Variants in CDK14 observed in about 807,000 individuals in gnomAD.
CDK14 encodes cyclin dependent kinase 14.
CDK14 carries 34 observed loss-of-function variants against 60.7 expected under a neutral mutation model. The observed-to-expected ratio is 0.56, with a 90% CI of 0.43 to 0.75. CDK14 has a LOEUF of 0.75. Among genes scored for constraint, CDK14 ranks in the 30% least tolerant of loss-of-function variants. The pLI is 0.00. For synonymous variants in CDK14, 197 were observed against 203.7 expected (o/e 0.97, Z 0.28); for missense variants, 482 against 564.1 (o/e 0.85, Z 1.47).
intron 5 of CDK14, among the ~76,000 whole-genome samples, chr7:90,858,762 A>G (rs1790911474): frequency 6.6e-6 from 1 of 152,182 alleles, no homozygotes; most frequent in Non-Finnish European, 1.5e-5. Flanking sequence ...TGCAGAAGCA[A>G]GTATCACTTT....
At chr7:90,913,114 G>A (rs1055856809) in intron 7 of CDK14, among the ~76,000 whole-genome samples, 3 of 152,112 alleles carry the variant, frequency 2.0e-5, no homozygotes, top group African/African-American at 4.8e-5. Context: ...GGGTCTTCTG[G>A]TTTTTCATAG....
chr7:91,117,663 C>T (rs978024009), intron 13 of CDK14, among the ~76,000 whole-genome samples: 1 of 152,270 alleles, frequency 6.6e-6, no homozygotes, highest in Non-Finnish European at 1.5e-5. Context: ...CAAATGGACT[C>T]TATAACAACA....
chr7:90,920,097 A>G (rs1793203598), intron 8 of CDK14, among the ~76,000 whole-genome samples: 1 of 152,204 alleles, frequency 6.6e-6, no homozygotes, highest in Non-Finnish European at 1.5e-5. Context: ...TAAGACATGC[A>G]ATTAACTGTG....
chr7:90,740,634 C>A (rs1231641581), intron 3 of CDK14, among the ~76,000 whole-genome samples: 5 of 152,174 alleles, frequency 3.3e-5, no homozygotes, highest in Admixed American at 3.3e-4. Context: ...GCTTCCAAAA[C>A]TGTGAACAAA....
At chr7:90,733,829 G>A (rs1269053971) in intron 3 of CDK14, among the ~76,000 whole-genome samples, 2 of 152,170 alleles carry the variant, frequency 1.3e-5, no homozygotes, top group East Asian at 1.9e-4. Flanking sequence ...GTATTGTTAG[G>A]TGTGAATTCG....
chr7:90,746,150 T>A (rs1803582139), intron 3 of CDK14, among the ~76,000 whole-genome samples: 1 of 152,260 alleles, frequency 6.6e-6, no homozygotes, highest in Non-Finnish European at 1.5e-5. Context: ...GTCAGGCTTT[T>A]CTCTGAAGTT....
At chr7:91,063,517 A>G (rs1172624445) in intron 11 of CDK14, among the ~76,000 whole-genome samples, 1 of 152,252 alleles carries the variant, frequency 6.6e-6, no homozygotes, top group African/African-American at 2.4e-5. Flanking sequence ...TAAAAAGGAC[A>G]TAAGTATGTA....
At chr7:90,848,696 C>A (rs1790548609) in intron 5 of CDK14, among the ~76,000 whole-genome samples, 2 of 152,108 alleles carry the variant, frequency 1.3e-5, no homozygotes, top group Non-Finnish European at 2.9e-5. Flanking sequence ...TTAGTCTTAT[C>A]TGAAAAAGTG....
intron 10 of CDK14, among the ~76,000 whole-genome samples, chr7:90,987,826 CA>C (rs1378835248): frequency 6.6e-6 from 1 of 152,018 alleles, no homozygotes; most frequent in African/African-American, 2.4e-5. Flanking sequence ...TATAAACTGC[CA>C]GAGACTCTTT....
chr7:90,743,241 T>C (rs573157413), intron 3 of CDK14, among the ~76,000 whole-genome samples: 1 of 152,278 alleles, frequency 6.6e-6, no homozygotes, highest in East Asian at 1.9e-4. Context: ...CAAATTAATA[T>C]ATCTATCATC....
At chr7:90,612,739 T>C (rs1342464151) in intron 2 of CDK14, among the ~76,000 whole-genome samples, 1 of 133,524 alleles carries the variant, frequency 7.5e-6, no homozygotes, top group Non-Finnish European at 1.5e-5. Flanking sequence ...GCCACTGCAC[T>C]CCAGCCCGGG....
chr7:90,793,881 A>C (rs1312614378), intron 5 of CDK14, among the ~76,000 whole-genome samples: 1 of 152,200 alleles, frequency 6.6e-6, no homozygotes, highest in African/African-American at 2.4e-5. Context: ...CAAACTTAAC[A>C]GTATATGCTA....
At chr7:91,120,703 G>C (rs943481605) in intron 14 of CDK14, among the ~76,000 whole-genome samples, 6 of 151,968 alleles carry the variant, frequency 3.9e-5, no homozygotes, top group Non-Finnish European at 8.8e-5. Context: ...CGCCTGGCTA[G>C]TTTTTGTATT....
intron 8 of CDK14, among the ~76,000 whole-genome samples, chr7:90,936,410 T>G (rs1793753780): frequency 6.6e-6 from 1 of 152,218 alleles, no homozygotes; most frequent in Non-Finnish European, 1.5e-5. Flanking sequence ...CTAACATGAA[T>G]CAGTCCTTTG....
At chr7:90,980,403 G>A (rs1400055445) in intron 9 of CDK14, among the ~76,000 whole-genome samples, 1 of 152,090 alleles carries the variant, frequency 6.6e-6, no homozygotes, top group Non-Finnish European at 1.5e-5. Context: ...AAATTATAGT[G>A]CTTAAGCAGA....
intron 2 of CDK14, among the ~76,000 whole-genome samples, chr7:90,630,965 T>G (rs1799984334): frequency 6.6e-6 from 1 of 151,756 alleles, no homozygotes; most frequent in Non-Finnish European, 1.5e-5. Context: ...CTCTTTTATT[T>G]TCTTTTTATA....
chr7:90,875,539 A>G (rs780253581), intron 6 of CDK14, among the ~76,000 whole-genome samples: 29 of 150,262 alleles, frequency 1.9e-4, no homozygotes, highest in Non-Finnish European at 3.7e-4. Flanking sequence ...TTTTTTTTTT[A>G]TTATATTGGA....
intron 4 of CDK14, among the ~76,000 whole-genome samples, chr7:90,781,247 A>T (rs966645484): frequency 1.3e-5 from 2 of 152,060 alleles, no homozygotes; most frequent in African/African-American, 4.8e-5. Context: ...TCCTTCGCCC[A>T]CTTTTTGATG....
At chr7:91,089,717 G>A (rs765974249) in intron 12 of CDK14, among the ~76,000 whole-genome samples, 36 of 152,124 alleles carry the variant, frequency 2.4e-4, no homozygotes, top group Non-Finnish European at 4.7e-4. Context: ...TCTCTGCCAC[G>A]TTAGGTGTCT....
Sources: allele counts gnomAD v4.1 joint callset (sites outside exome capture counted in the v4.1 genomes callset), GRCh38; gene constraint gnomAD v4.1.1; transcripts MANE v1.5; gene names NCBI Gene and HGNC (gene_info 2026-07-23, HGNC 2026-07-21).